CCDC146: variants seen among roughly 807,000 people sequenced by gnomAD.
CCDC146 encodes the protein coiled-coil domain containing 146, also known as coiled-coil domain-containing protein 146.
A neutral mutation model predicts 119.3 loss-of-function variants in CCDC146; 92 were observed. The observed-to-expected ratio is 0.77, with a 90% CI of 0.65 to 0.92. CCDC146 has a LOEUF of 0.92. Among genes scored for constraint, CCDC146 ranks in the 40% least tolerant of loss-of-function variants. The pLI is 0.00. For synonymous variants in CCDC146, 372 were observed against 371.8 expected, an observed-to-expected ratio of 1.00 and a Z score of -0.01; for missense variants, 1,000 against 1,103.0, an observed-to-expected ratio of 0.91 and a Z score of 1.32.
intron 8 of CCDC146, 25 bp from the exon 9 acceptor site, chr7:77,262,096 C>A (rs753372270): frequency 1.3e-6 from 2 of 1,529,918 alleles, no homozygotes; most frequent in Non-Finnish European, 8.8e-7. Flanking sequence ...AAATCATTTT[C>A]TTCTTCTTCC....
intron 8 of CCDC146, among the ~76,000 whole-genome samples, chr7:77,261,389 T>C (rs1225320304): frequency 3.3e-5 from 5 of 152,206 alleles, no homozygotes; most frequent in Admixed American, 3.3e-4. Flanking sequence ...TTTCTGTCCC[T>C]GCATTGGTTT....
rs35319656 is a variant in CCDC146, at chr7:77,168,354, GT to G, written c.156+543del. Among the ~76,000 whole-genome samples, 557 of 142,858 alleles carry G rather than the reference GT, an allele frequency of 3.9e-3. 1 individual carries two copies. Among genetic ancestry groups the G allele is most frequent in the African/African-American group, 9.1e-3 (357 of 39,250 alleles). The allele number at this position is 142,858 out of a possible 152,430, so 93.7% of individuals were successfully genotyped here. Reference sequence around the variant, plus strand: ...TAGGAAATACCCATATATGAGGAGAGTTTTTTTTTTTTTAAGTAATGGCTGA... The same window carrying G: ...TAGGAAATACCCATATATGAGGAGAGTTTTTTTTTTTTAAGTAATGGCTGA... On this transcript the variant is annotated intron_variant, in intron 2 of 18. Transcript: ENST00000285871.
Position 77,292,964 on chromosome 7 carries a change from CAAAG to C in CCDC146, c.2431_2434del (p.Arg811GlyfsTer9). 6.2e-7 allele frequency: 1 copy of C among 1,613,652 alleles called. No homozygotes were observed. The highest frequency in any genetic ancestry group is 8.5e-7 in the Non-Finnish European group (1 of 1,179,964). ...TCTTTAATTCTAGATGAATGGCTATCAAAGAAGGATCAAAAATGCAACTGAGAAA... is the reference window on the plus strand; with the variant it reads ...TCTTTAATTCTAGATGAATGGCTATCAAGGATCAAAAATGCAACTGAGAAA... On this transcript the variant is annotated frameshift_variant, in exon 18 of 19. Transcript: ENST00000285871. LOFTEE classifies it high-confidence loss of function.
rs951713633 is a variant in CCDC146, at chr7:77,286,854, T to C, written c.2205T>C (p.Asp735=). Residue 735 remains aspartate, a synonymous_variant, in exon 16 of 19, where the codon GAT becomes GAC. Transcript: ENST00000285871. ...TGGAGAAACAGTTCGTAAAGCCTGA[T>C]GGTGAGAATAGAGCTCGCTTCCTTC... ...KDLEKQFVKP[D]GENRARFLPG... 5.6e-6 allele frequency: 9 copies of C among 1,614,002 alleles called. No individual in the cohort carries two copies. The highest frequency in any genetic ancestry group is 6.8e-6 in the Non-Finnish European group (8 of 1,179,836).
At chr7:77,137,001 CAT>C (rs1790870400) in intron 1 of CCDC146, among the ~76,000 whole-genome samples, 1 of 152,106 alleles carries the variant, frequency 6.6e-6, no homozygotes, top group Non-Finnish European at 1.5e-5. Context: ...AAAGAAAAAT[CAT>C]GTGACCATAT....
intron 1 of CCDC146, among the ~76,000 whole-genome samples, chr7:77,151,784 C>T (rs879562384): frequency 1.3e-5 from 2 of 152,116 alleles, no homozygotes; most frequent in Admixed American, 6.5e-5. Context: ...GATGTGCATC[C>T]ACCTGGGTCT....
chr7:77,277,525 T>C (rs1226441733), intron 11 of CCDC146, among the ~76,000 whole-genome samples: 1 of 152,224 alleles, frequency 6.6e-6, no homozygotes, highest in Non-Finnish European at 1.5e-5. Flanking sequence ...TGTACTTAGC[T>C]GCAGTTTCCA....
chr7:77,235,338 T>C (rs925846817), intron 2 of CCDC146, among the ~76,000 whole-genome samples: 3 of 152,224 alleles, frequency 2.0e-5, no homozygotes, highest in African/African-American at 7.2e-5. Flanking sequence ...TTCTTTAGAT[T>C]TGGAAGTCAG....
At chr7:77,294,178 T>C (rs13438702) in intron 18 of CCDC146, among the ~76,000 whole-genome samples, 2 of 152,144 alleles carry the variant, frequency 1.3e-5, no homozygotes, top group Non-Finnish European at 2.9e-5. Flanking sequence ...CCATTGTAAC[T>C]TTTGCTCACC....
chr7:77,154,091 G>A (rs61028551), intron 1 of CCDC146, among the ~76,000 whole-genome samples: 10,777 of 151,642 alleles, frequency 0.071, 1,220 homozygotes, highest in African/African-American at 0.25. Flanking sequence ...TGACATCCTG[G>A]AAAAGGCAAA....
chr7:77,274,246 T>A (rs973866750), intron 10 of CCDC146, among the ~76,000 whole-genome samples: 6 of 152,202 alleles, frequency 3.9e-5, no homozygotes, highest in African/African-American at 1.4e-4. Context: ...AATTTTTATT[T>A]TTTTTATAGA....
chr7:77,262,003 G>A (rs1793308924), intron 8 of CCDC146, 118 bp from the exon 9 acceptor site: 1 of 764,872 alleles, frequency 1.3e-6, no homozygotes, highest in Non-Finnish European at 2.1e-6. Context: ...CTGTTTTTAG[G>A]TCTTTGCCAG....
At chr7:77,144,807 G>A (rs1201928047) in intron 1 of CCDC146, among the ~76,000 whole-genome samples, 3 of 151,812 alleles carry the variant, frequency 2.0e-5, no homozygotes, top group African/African-American at 7.3e-5. Flanking sequence ...TGGGCTGCTG[G>A]ATTCTGTTTG....
At chr7:77,252,400 A>G (rs906337277) in intron 4 of CCDC146, among the ~76,000 whole-genome samples, 17 of 152,220 alleles carry the variant, frequency 1.1e-4, no homozygotes, top group African/African-American at 3.4e-4. Flanking sequence ...CTTGAAAATT[A>G]AAAATGAAGA....
At position 77,256,446 on chromosome 7, in the gene CCDC146, A is replaced by G; in HGVS notation, c.621A>G (p.Gln207=). The change falls in exon 6 of 19, where the codon CAA becomes CAG. Residue 207 remains glutamine (Q), a synonymous_variant. Coordinates refer to ENST00000285871, the MANE Select transcript of CCDC146 (RefSeq NM_020879.3). ...TACGAGAAGATTTGGCATCTAAACAAAAGCAATTATTAAAAGAGCAGAAGG... is the reference window on the plus strand; with the variant it reads ...TACGAGAAGATTTGGCATCTAAACAGAAGCAATTATTAAAAGAGCAGAAGG... ...KNLREDLASK[Q]KQLLKEQKEL... The G allele has an allele frequency of 1.2e-6, 2 of 1,610,082 alleles. No homozygotes were observed. The highest frequency in any genetic ancestry group is 2.2e-5 in the East Asian group (1 of 44,840).
At chr7:77,291,123 T>C (rs998219273) in intron 17 of CCDC146, among the ~76,000 whole-genome samples, 4 of 152,202 alleles carry the variant, frequency 2.6e-5, no homozygotes, top group Non-Finnish European at 5.9e-5. Context: ...TACATTCTTA[T>C]GGGATGACAA....
At chr7:77,293,418 GC>G (rs1157660007) in intron 18 of CCDC146, among the ~76,000 whole-genome samples, 1 of 152,150 alleles carries the variant, frequency 6.6e-6, no homozygotes, top group Non-Finnish European at 1.5e-5. Context: ...CAAGCACAGG[GC>G]CCACCCCATA....
chr7:77,253,066 C>T (rs1316010203), intron 4 of CCDC146, among the ~76,000 whole-genome samples: 2 of 152,218 alleles, frequency 1.3e-5, no homozygotes, highest in African/African-American at 4.8e-5. Context: ...TAAACTTAGC[C>T]AATGACAGGA....
At chr7:77,159,011 G>A (rs545080080) in intron 1 of CCDC146, among the ~76,000 whole-genome samples, 1 of 152,052 alleles carries the variant, frequency 6.6e-6, no homozygotes, top group African/African-American at 2.4e-5. Flanking sequence ...TATGGTTGAT[G>A]TATAAAATAC....
Sources: gnomAD v4.1 joint callset for allele counts (sites outside exome capture counted in the v4.1 genomes callset) on GRCh38, gnomAD v4.1.1 for gene constraint, MANE v1.5 for transcripts, NCBI Gene and HGNC (gene_info 2026-07-23, HGNC 2026-07-21) for gene names.